The following STAG1 variants were observed in gnomAD, a reference collection of about 807,000 sequenced individuals.
STAG1 encodes the protein STAG1 cohesin complex component, also known as cohesin subunit SA-1.
STAG1 carries 26 observed loss-of-function variants against 170.9 expected under a neutral mutation model. The observed-to-expected ratio is 0.15, with a 90% CI of 0.11 to 0.21. The LOEUF is 0.21. Ranked by LOEUF, STAG1 falls within the 10% of genes least tolerant of loss-of-function variation. The pLI, the probability that STAG1 is intolerant of heterozygous loss-of-function variation, is 1.00. For synonymous variants in STAG1, 514 were observed against 497.7 expected, an observed-to-expected ratio of 1.03 and a Z score of -0.44; for missense variants, 964 against 1,509.5, an observed-to-expected ratio of 0.64 and a Z score of 5.99.
chr3:136,504,127 A>G (rs1173978601), intron 7 of STAG1, among the ~76,000 whole-genome samples: 1 of 152,190 alleles, frequency 6.6e-6, no homozygotes, highest in South Asian at 2.1e-4. Flanking sequence ...ATCTACACGT[A>G]TACTCAATTT....
intron 9 of STAG1, among the ~76,000 whole-genome samples, chr3:136,478,385 G>C (rs549783874): frequency 6.6e-6 from 1 of 152,098 alleles, no homozygotes; most frequent in Non-Finnish European, 1.5e-5. Flanking sequence ...TCTGTGAATT[G>C]TAAACAAATA....
chr3:136,746,349 G>A (rs1371555670), intron 1 of STAG1, among the ~76,000 whole-genome samples: 3 of 151,516 alleles, frequency 2.0e-5, no homozygotes, highest in East Asian at 1.9e-4. Context: ...AAGCAAGGGT[G>A]TCCAATCTTT....
At chr3:136,396,520 CTTTTTT>C (rs146270857) in intron 22 of STAG1, among the ~76,000 whole-genome samples, 6,722 of 43,334 alleles carry the variant, frequency 0.16, 423 homozygotes, top group East Asian at 0.28. Flanking sequence ...CGCGCCTGGC[CTTTTTT>C]TTTTTTTTTT....
chr3:136,583,768 A>T (rs536876829), intron 4 of STAG1, among the ~76,000 whole-genome samples: 4 of 152,326 alleles, frequency 2.6e-5, no homozygotes, highest in African/African-American at 9.6e-5. Context: ...CAGCCTGAGC[A>T]ATAGAATGAG....
intron 14 of STAG1, among the ~76,000 whole-genome samples, chr3:136,451,592 G>A (rs561113430): frequency 6.2e-4 from 95 of 152,086 alleles, no homozygotes; most frequent in African/African-American, 2.2e-3. Context: ...GTGAAACCCC[G>A]TCTCTACTAA....
intron 21 of STAG1, among the ~76,000 whole-genome samples, chr3:136,415,302 T>C (rs572048794): frequency 5.0e-5 from 6 of 120,898 alleles, no homozygotes; most frequent in South Asian, 3.1e-4. Context: ...TCTAGTTGAA[T>C]TGGTTATTAT....
At chr3:136,651,315 A>G (rs1941209499) in intron 1 of STAG1, among the ~76,000 whole-genome samples, 1 of 151,510 alleles carries the variant, frequency 6.6e-6, no homozygotes. Context: ...GCAGTGAGCT[A>G]AGATTATGTC....
At chr3:136,702,473 G>A (rs1448435752) in intron 1 of STAG1, among the ~76,000 whole-genome samples, 3 of 151,850 alleles carry the variant, frequency 2.0e-5, no homozygotes, top group Non-Finnish European at 2.9e-5. Flanking sequence ...CGCAACCTCC[G>A]CCTCCCGGGT....
intron 1 of STAG1, among the ~76,000 whole-genome samples, chr3:136,718,765 G>A (rs1003556103): frequency 2.6e-5 from 4 of 151,854 alleles, no homozygotes; most frequent in Non-Finnish European, 4.4e-5. Context: ...TTTCTACTAC[G>A]AATACAAAAA....
At chr3:136,653,863 A>C (rs1941291262) in intron 1 of STAG1, among the ~76,000 whole-genome samples, 1 of 152,242 alleles carries the variant, frequency 6.6e-6, no homozygotes. Flanking sequence ...AATGTAATAT[A>C]CCACATTAAC....
intron 4 of STAG1, among the ~76,000 whole-genome samples, chr3:136,579,602 A>G (rs533397426): frequency 6.6e-6 from 1 of 152,326 alleles, no homozygotes; most frequent in African/African-American, 2.4e-5. Flanking sequence ...TACTTTCTAC[A>G]TGGGATTCTC....
chr3:136,608,675 G>T (rs1386529896), intron 3 of STAG1, among the ~76,000 whole-genome samples: 1 of 150,268 alleles, frequency 6.7e-6, no homozygotes, highest in Non-Finnish European at 1.5e-5. Context: ...GTAGTAGTGT[G>T]TGCCTGTAGT....
chr3:136,502,148 A>G (rs949145252), intron 8 of STAG1, among the ~76,000 whole-genome samples: 3 of 152,078 alleles, frequency 2.0e-5, no homozygotes, highest in Admixed American at 6.5e-5. Context: ...ATTGCACTCG[A>G]GCCTGGGCAA....
intron 1 of STAG1, among the ~76,000 whole-genome samples, chr3:136,673,946 TACA>T (rs1162340437): frequency 6.6e-6 from 1 of 151,352 alleles, no homozygotes. Context: ...CTACTAAAAA[TACA>T]ACAATTGGCC....
intron 28 of STAG1, among the ~76,000 whole-genome samples, 189 bp from the exon 29 acceptor site, chr3:136,349,552 G>T (rs1936355974): frequency 6.6e-6 from 1 of 152,026 alleles, no homozygotes. Context: ...ACTTATTCTT[G>T]GGATACTTTA....
chr3:136,720,962 A>C (rs1933226492), intron 1 of STAG1, among the ~76,000 whole-genome samples: 1 of 152,210 alleles, frequency 6.6e-6, no homozygotes, highest in Non-Finnish European at 1.5e-5. Context: ...TTACCAATAC[A>C]AGTGACGCAG....
rs568661465 is a variant in STAG1, at chr3:136,400,516, C to T, written c.2197-1687G>A. On this transcript the variant is annotated intron_variant, in intron 21 of 33. Coordinates refer to ENST00000383202, the MANE Select transcript of STAG1 (RefSeq NM_005862.3). ...GACCATAGGCGTGAGCCACCACGCC[C>T]GGCCGCAACATAAATTTTCTTTCTT... Among the ~76,000 whole-genome samples, 406 of 151,792 alleles carry T rather than the reference C, an allele frequency of 2.7e-3. 2 individuals are homozygous for T. Among genetic ancestry groups the T allele is most frequent in the African/African-American group, 9.2e-3 (381 of 41,402 alleles).
intron 4 of STAG1, among the ~76,000 whole-genome samples, chr3:136,585,420 C>T (rs9839137): frequency 0.18 from 27,183 of 151,744 alleles, 2,928 homozygotes; most frequent in Non-Finnish European, 0.24. Context: ...ACAGCCTGGG[C>T]GACAGAGTGA....
rs192775333 is a variant in STAG1, at chr3:136,671,355, T to C, written c.-83-40374A>G. Among the ~76,000 whole-genome samples, 41 of 152,244 alleles carry C rather than the reference T, an allele frequency of 2.7e-4. 1 individual carries two copies. The highest frequency in any genetic ancestry group is 3.1e-4 in the Non-Finnish European group (21 of 68,010). On this transcript the variant is annotated intron_variant, in intron 1 of 33. Transcript: ENST00000383202. Reference sequence around the variant, plus strand: ...ATATAGCTTGCATTTTTTTCTCTTCTAGATGCTTTGTATACCTATGACAGG... The same window carrying C: ...ATATAGCTTGCATTTTTTTCTCTTCCAGATGCTTTGTATACCTATGACAGG...
Sources: allele counts gnomAD v4.1 joint callset (sites outside exome capture counted in the v4.1 genomes callset), GRCh38; gene constraint gnomAD v4.1.1; transcripts MANE v1.5; gene names NCBI Gene and HGNC (gene_info 2026-07-23, HGNC 2026-07-21).